Variants in DGLUCY observed in about 807,000 individuals in gnomAD.
The protein encoded by DGLUCY is D-glutamate cyclase.
DGLUCY carries 58 observed loss-of-function variants against 58.5 expected under a neutral mutation model. The observed-to-expected ratio is 0.99, with a 90% CI of 0.80 to 1.23. The LOEUF (loss-of-function observed/expected upper bound fraction) is 1.23, where lower values mean the gene tolerates loss of function less well. Among genes scored for constraint, DGLUCY ranks in the 50% most tolerant of loss-of-function variants. The pLI, the probability that DGLUCY is intolerant of heterozygous loss-of-function variation, is 0.00. For synonymous variants in DGLUCY, 325 were observed against 314.1 expected (o/e 1.03, Z -0.37); for missense variants, 779 against 784.7 (o/e 0.99, Z 0.09).
chr14:91,132,280 A>G (rs983044164), intron 1 of DGLUCY, among the ~76,000 whole-genome samples: 1 of 152,128 alleles, frequency 6.6e-6, no homozygotes, highest in African/African-American at 2.4e-5. Context: ...ATTAATTACT[A>G]TGGGCAGGGT....
intron 1 of DGLUCY, among the ~76,000 whole-genome samples, chr14:91,079,103 C>A (rs1006426169): frequency 1.3e-5 from 2 of 151,634 alleles, no homozygotes; most frequent in African/African-American, 4.8e-5. Flanking sequence ...GGTGTTTCAC[C>A]ATATTGGCCA....
At chr14:91,072,689 G>A (rs952800300) in intron 1 of DGLUCY, among the ~76,000 whole-genome samples, 1 of 150,010 alleles carries the variant, frequency 6.7e-6, no homozygotes, top group African/African-American at 2.4e-5. Flanking sequence ...TCCTCATGGT[G>A]CTTTCTAAAG....
At chr14:91,142,027 G>A (rs1002341721) in intron 1 of DGLUCY, among the ~76,000 whole-genome samples, 5 of 151,934 alleles carry the variant, frequency 3.3e-5, no homozygotes, top group African/African-American at 1.2e-4. Flanking sequence ...TGTATTCTTA[G>A]TAGAGACGAG....
upstream of DGLUCY, among the ~76,000 whole-genome samples, chr14:91,112,627 T>A (rs2044725084): frequency 1.3e-5 from 2 of 151,710 alleles, no homozygotes; most frequent in Middle Eastern, 3.2e-3. Flanking sequence ...TCCAACATTA[T>A]TGAATACTTC....
rs371519362 is a variant in DGLUCY at position 91,204,725 on chromosome 14, C to T, written c.1464C>T (p.Asn488=). 801 of 1,613,944 alleles carry T rather than the reference C, an allele frequency of 5.0e-4. 17 individuals carry two copies. The South Asian group carries it at 8.1e-3, about 16-fold the overall frequency. ...ISSTGVGDGG[N]ELGMGKVKEA... Reference sequence around the variant, plus strand: ...CTTCAGGAGTCGGTGATGGAGGCAACGAGCTTGGGATGGGTAAAGTCAAGG... The same window carrying T: ...CTTCAGGAGTCGGTGATGGAGGCAATGAGCTTGGGATGGGTAAAGTCAAGG... The change falls in exon 12 of 14, where the codon AAC becomes AAT. Residue 488 remains asparagine, a synonymous_variant. Coordinates refer to ENST00000256324, the MANE Select transcript of DGLUCY (RefSeq NM_001102368.3).
chr14:91,105,542 T>C (rs970307711), upstream of DGLUCY, among the ~76,000 whole-genome samples: 1 of 152,142 alleles, frequency 6.6e-6, no homozygotes, highest in African/African-American at 2.4e-5. Context: ...AGCTTGCCTA[T>C]GGTGAATAAA....
chr14:91,122,602 G>GTTTTTTTTTTTTT (rs60627604), intron 1 of DGLUCY, among the ~76,000 whole-genome samples: 3 of 104,792 alleles, frequency 2.9e-5, no homozygotes, highest in African/African-American at 7.8e-5. Context: ...AAAGAAAAAA[G>GTTTTTTTTTTTTT]TTTTTTTTTT....
chr14:91,199,718 C>T (rs1274447318), intron 10 of DGLUCY, 39 bp from the exon 11 acceptor site: 1 of 1,610,988 alleles, frequency 6.2e-7, no homozygotes, highest in Admixed American at 1.7e-5. Flanking sequence ...GCCACCTCTC[C>T]ATAGGACCCT....
intron 1 of DGLUCY, among the ~76,000 whole-genome samples, chr14:91,117,662 T>TAC (rs1026832294): frequency 0.022 from 1,638 of 74,336 alleles, 7 homozygotes; most frequent in Middle Eastern, 0.039. Flanking sequence ...CACACACACA[T>TAC]ACACACACAC....
intron 1 of DGLUCY, among the ~76,000 whole-genome samples, chr14:91,073,267 C>A (rs2043953823): frequency 6.6e-6 from 1 of 151,976 alleles, no homozygotes; most frequent in Non-Finnish European, 1.5e-5. Flanking sequence ...ATGGATAAAC[C>A]CCATCTCTAC....
At chr14:91,111,200 A>ATGTGTGTGTGTGTGTG (rs1183383205), upstream of DGLUCY, among the ~76,000 whole-genome samples, 26 of 79,154 alleles carry the variant, frequency 3.3e-4, no homozygotes, top group African/African-American at 9.7e-4. Flanking sequence ...TTATTTATAT[A>ATGTGTGTGTGTGTGTG]TATGTGTGTG....
At chr14:91,224,601 C>T (rs964636960) in intron 13 of DGLUCY, 83 bp from the exon 14 acceptor site, 1 of 1,366,108 alleles carries the variant, frequency 7.3e-7, no homozygotes, top group Non-Finnish European at 9.7e-7. Flanking sequence ...GGCAAAGGAT[C>T]CTTCTCACTT....
chr14:91,119,495 TA>T (rs1345813343), intron 1 of DGLUCY, among the ~76,000 whole-genome samples: 2 of 152,182 alleles, frequency 1.3e-5, no homozygotes, highest in Non-Finnish European at 2.9e-5. Flanking sequence ...CTACTCTTTC[TA>T]AGTTCCCACC....
intron 10 of DGLUCY, 138 bp from the exon 11 acceptor site, chr14:91,199,619 G>A (rs954915243): frequency 3.1e-6 from 3 of 975,124 alleles, no homozygotes; most frequent in African/African-American, 3.3e-5. Context: ...CAGAGTAGAT[G>A]TGCCACCAAG....
intron 7 of DGLUCY, 31 bp from the exon 8 acceptor site, chr14:91,181,155 T>A: frequency 1.9e-6 from 3 of 1,605,308 alleles, no homozygotes; most frequent in Non-Finnish European, 2.6e-6. Flanking sequence ...ATGAAGTGGC[T>A]GGGCTCAGAC....
chr14:91,107,907 TG>T (rs896371154), upstream of DGLUCY: 1 of 152,124 alleles, frequency 6.6e-6, no homozygotes, highest in African/African-American at 2.4e-5. Flanking sequence ...AGCAAAGATG[TG>T]GAGATCAGGG....
At chr14:91,132,917 A>C (rs990181942) in intron 1 of DGLUCY, among the ~76,000 whole-genome samples, 2 of 152,130 alleles carry the variant, frequency 1.3e-5, no homozygotes, top group Non-Finnish European at 2.9e-5. Context: ...ATATAATATT[A>C]GTCCTTTTGT....
intron 9 of DGLUCY, among the ~76,000 whole-genome samples, chr14:91,192,769 A>G (rs928995607): frequency 1.1e-4 from 16 of 152,298 alleles, no homozygotes; most frequent in African/African-American, 3.6e-4. Flanking sequence ...GCACCAATGC[A>G]CTCCAGCCTG....
intron 1 of DGLUCY, among the ~76,000 whole-genome samples, chr14:91,086,840 A>ACCT (rs754630981): frequency 4.6e-5 from 7 of 151,992 alleles, no homozygotes; most frequent in Non-Finnish European, 7.4e-5. Flanking sequence ...TGCAACCTCC[A>ACCT]CCTCCGAGGC....
Sources: gnomAD v4.1 joint callset for allele counts (sites outside exome capture counted in the v4.1 genomes callset) on GRCh38, gnomAD v4.1.1 for gene constraint, MANE v1.5 for transcripts, NCBI Gene and HGNC (gene_info 2026-07-23, HGNC 2026-07-21) for gene names.